Variants in EPM2A observed in about 807,000 individuals in gnomAD.
The protein encoded by EPM2A is laforin.
A neutral mutation model predicts 26.5 loss-of-function variants in EPM2A; 21 were observed. The ratio of observed to expected loss-of-function variants is 0.79; its 90% CI spans 0.56 to 1.14. EPM2A has a LOEUF of 1.14. Ranked by LOEUF, EPM2A falls within the 50% of genes most tolerant of loss-of-function variation. The pLI is 0.00. For synonymous variants in EPM2A, 217 were observed against 177.6 expected (o/e 1.22, Z -1.76); for missense variants, 458 against 440.8 (o/e 1.04, Z -0.35).
chr6:145,542,947 C>T (rs571047698), intron 2 of EPM2A, among the ~76,000 whole-genome samples: 2 of 152,128 alleles, frequency 1.3e-5, no homozygotes, highest in African/African-American at 4.8e-5. Flanking sequence ...TTAGTAGAGA[C>T]GGGGTTTCTC....
intron 4 of EPM2A, among the ~76,000 whole-genome samples, chr6:145,386,923 AC>A (rs1778269908): frequency 6.6e-6 from 1 of 152,086 alleles, no homozygotes; most frequent in Admixed American, 6.5e-5. Context: ...GTTTAAAAAG[AC>A]TTTTTCAGAG....
intron 2 of EPM2A, among the ~76,000 whole-genome samples, chr6:145,518,889 A>C (rs1780167263): frequency 6.6e-6 from 1 of 152,246 alleles, no homozygotes; most frequent in East Asian, 1.9e-4. Flanking sequence ...TGAGATGCCA[A>C]CCAGACATAC....
intron 4 of EPM2A, among the ~76,000 whole-genome samples, chr6:145,423,481 G>C (rs929870111): frequency 2.6e-5 from 4 of 152,146 alleles, no homozygotes; most frequent in African/African-American, 9.7e-5. Flanking sequence ...CATATGGAAG[G>C]GGGAAGCCTG....
chr6:145,390,544 T>C (rs2114656962), intron 4 of EPM2A, among the ~76,000 whole-genome samples: 1 of 146,334 alleles, frequency 6.8e-6, no homozygotes, highest in African/African-American at 2.5e-5. Context: ...TCATTATTTA[T>C]CCATGTTGTG....
intron 2 of EPM2A, among the ~76,000 whole-genome samples, chr6:145,618,209 G>T (rs1228222851): frequency 6.6e-6 from 1 of 152,154 alleles, no homozygotes; most frequent in East Asian, 1.9e-4. Context: ...AGGATGAGTT[G>T]ATGCTCACCA....
intron 2 of EPM2A, among the ~76,000 whole-genome samples, chr6:145,526,471 G>A (rs1271725148): frequency 2.6e-5 from 4 of 151,810 alleles, no homozygotes; most frequent in Admixed American, 2.0e-4. Flanking sequence ...CATTTTCAGA[G>A]CTTAATATTA....
chr6:145,647,169 A>G (rs1777538000), intron 2 of EPM2A, among the ~76,000 whole-genome samples: 2 of 152,286 alleles, frequency 1.3e-5, no homozygotes, highest in East Asian at 1.9e-4. Context: ...TGAGCTGAAT[A>G]TCCATCGCTT....
chr6:145,554,422 T>TGATAGATAGATGATA (rs1780695499), intron 2 of EPM2A, among the ~76,000 whole-genome samples: 1 of 146,120 alleles, frequency 6.8e-6, no homozygotes, highest in African/African-American at 2.5e-5. Context: ...GATAGATAGA[T>TGATAGATAGATGATA]GATAGATAGA....
rs1051177707 is a variant in EPM2A at position 145,608,754 on chromosome 6, G to T, written c.340+26491C>A. On this transcript the variant is annotated intron_variant, in intron 2 of 3. Coordinates refer to the EPM2A transcript ENST00000450221. ...AATGCAAGCATGCCATGGAGAAAAA[G>T]GCAAAATAAAAAGAGCTACTCTCAG... Among the ~76,000 whole-genome samples, 5 of 152,140 alleles carry T rather than the reference G, an allele frequency of 3.3e-5. No individual in the cohort carries two copies. The South Asian group carries it at 1.0e-3, about 32-fold the overall frequency.
At chr6:145,590,056 T>G (rs1358321954) in intron 2 of EPM2A, among the ~76,000 whole-genome samples, 2 of 152,036 alleles carry the variant, frequency 1.3e-5, no homozygotes, top group African/African-American at 4.8e-5. Context: ...ATTGCCAAGC[T>G]CTATTTACCC....
intron 4 of EPM2A, among the ~76,000 whole-genome samples, chr6:145,414,634 A>G (rs1778684012): frequency 6.6e-6 from 1 of 152,068 alleles, no homozygotes; most frequent in Non-Finnish European, 1.5e-5. Context: ...AAACTAAGGC[A>G]GAGAGTCCTG....
At chr6:145,731,010 A>T (rs1432413868) in intron 1 of EPM2A, among the ~76,000 whole-genome samples, 3 of 152,112 alleles carry the variant, frequency 2.0e-5, no homozygotes, top group African/African-American at 7.2e-5. Context: ...GTGTGGGTAT[A>T]GGAGCTGGAG....
intron 4 of EPM2A, chr6:145,489,774 TTCTC>T (rs2114740397): frequency 6.9e-7 from 1 of 1,441,290 alleles, no homozygotes; most frequent in East Asian, 2.3e-5. Flanking sequence ...AGGTTCTCTC[TTCTC>T]TCGGTTCATA....
intron 4 of EPM2A, among the ~76,000 whole-genome samples, chr6:145,424,198 A>T (rs1178905862): frequency 6.6e-6 from 1 of 152,094 alleles, no homozygotes; most frequent in Non-Finnish European, 1.5e-5. Context: ...CCCTTCAACA[A>T]CCCTGCAGGA....
At chr6:145,547,961 G>A (rs1022320696) in intron 2 of EPM2A, among the ~76,000 whole-genome samples, 18 of 151,774 alleles carry the variant, frequency 1.2e-4, no homozygotes, top group African/African-American at 4.1e-4. Context: ...TCCTAGTAAC[G>A]ACCCCAAAAC....
chr6:145,390,415 C>T (rs150321311), intron 4 of EPM2A, among the ~76,000 whole-genome samples: 6 of 151,916 alleles, frequency 3.9e-5, no homozygotes, highest in Non-Finnish European at 7.4e-5. Flanking sequence ...ATGTAAGGTA[C>T]CCTTCATGGC....
intron 2 of EPM2A, among the ~76,000 whole-genome samples, chr6:145,554,445 T>C (rs556533083): frequency 6.6e-6 from 1 of 151,816 alleles, no homozygotes; most frequent in South Asian, 2.1e-4. Context: ...GATAGATAGA[T>C]AGATAGATAG....
chr6:145,641,855 A>C (rs755807427), intron 2 of EPM2A, among the ~76,000 whole-genome samples: 7 of 152,036 alleles, frequency 4.6e-5, no homozygotes, highest in Non-Finnish European at 1.0e-4. Flanking sequence ...TCTTGATCTA[A>C]TGATTTGGTA....
intron 2 of EPM2A, among the ~76,000 whole-genome samples, chr6:145,656,170 T>C (rs1778268371): frequency 6.6e-6 from 1 of 152,192 alleles, no homozygotes; most frequent in Admixed American, 6.5e-5. Flanking sequence ...CATACAGCAC[T>C]CACTTCCTCC....
Sources: gnomAD v4.1 joint callset for allele counts (sites outside exome capture counted in the v4.1 genomes callset) on GRCh38, gnomAD v4.1.1 for gene constraint, MANE v1.5 for transcripts, NCBI Gene and HGNC (gene_info 2026-07-23, HGNC 2026-07-21) for gene names.